Variants in FAM114A2 observed in about 807,000 individuals in gnomAD.
The protein encoded by FAM114A2 is protein FAM114A2.
FAM114A2 carries 53 observed loss-of-function variants against 58.4 expected under a neutral mutation model. That is an observed-to-expected ratio of 0.91 (90% CI 0.73 to 1.14). The LOEUF (loss-of-function observed/expected upper bound fraction) is 1.14. Among genes scored for constraint, FAM114A2 ranks in the 50% most tolerant of loss-of-function variants. The pLI is 0.00. For synonymous variants in FAM114A2, 228 were observed against 211.4 expected (o/e 1.08, Z -0.68); for missense variants, 601 against 581.1 (o/e 1.03, Z -0.35).
chr5:153,997,928 G>A (rs1048776587), intron 11 of FAM114A2, 53 bp from the exon 12 acceptor site: 1 of 1,090,624 alleles, frequency 9.2e-7, no homozygotes, highest in African/African-American at 1.6e-5. Context: ...AAAAAAATAA[G>A]TTATATTTAA....
intron 8 of FAM114A2, among the ~76,000 whole-genome samples, chr5:154,022,271 C>CG (rs2113409799): frequency 6.6e-6 from 1 of 152,234 alleles, no homozygotes; most frequent in African/African-American, 2.4e-5. Flanking sequence ...CAACAAAAGC[C>CG]AAAACAGATA....
chr5:154,026,308 G>A (rs1685590230), intron 8 of FAM114A2, 91 bp downstream of exon 8: 1 of 994,754 alleles, frequency 1.0e-6, no homozygotes, highest in Admixed American at 3.3e-5. Flanking sequence ...TCAAGCCAGT[G>A]TAATAAGAGT....
chr5:154,029,356 A>G (rs1772022363), intron 5 of FAM114A2, 133 bp downstream of exon 5: 1 of 573,798 alleles, frequency 1.7e-6, no homozygotes, highest in Non-Finnish European at 3.1e-6. Context: ...GACCAAAGTG[A>G]CCGATCTTCA....
At chr5:154,036,695 AG>A (rs1412268172) in intron 1 of FAM114A2, 1 of 152,216 alleles carries the variant, frequency 6.6e-6, no homozygotes, top group Non-Finnish European at 1.5e-5. Context: ...CATTAGAATC[AG>A]ACAACGTAAT....
intron 8 of FAM114A2, among the ~76,000 whole-genome samples, chr5:154,018,218 A>C (rs1416692620): frequency 1.3e-5 from 2 of 152,218 alleles, no homozygotes; most frequent in Admixed American, 6.5e-5. Flanking sequence ...TTAGAAACGA[A>C]ATGAGAGACA....
chr5:154,027,121 G>A, intron 7 of FAM114A2, 55 bp downstream of exon 7: 1 of 1,408,942 alleles, frequency 7.1e-7, no homozygotes, highest in Non-Finnish European at 9.8e-7. Context: ...AGGAAACCAT[G>A]CAGCATTCTT....
At chr5:154,012,905 T>C (rs1482618897) in intron 8 of FAM114A2, among the ~76,000 whole-genome samples, 3 of 152,102 alleles carry the variant, frequency 2.0e-5, no homozygotes, top group Non-Finnish European at 4.4e-5. Flanking sequence ...TGGACTTTTT[T>C]ATTTATAGAG....
At chr5:153,994,850 C>A in intron 13 of FAM114A2, 69 bp downstream of exon 13, 1 of 1,027,300 alleles carries the variant, frequency 9.7e-7, no homozygotes, top group Non-Finnish European at 1.5e-6. Context: ...AAGCCAAAAG[C>A]AAAAGGCTTC....
Position 154,011,322 on chromosome 5 carries a change from T to TA in FAM114A2, c.914-3dup. 6.2e-7 allele frequency: 1 copy of TA among 1,609,674 alleles called. No homozygotes were observed. Among genetic ancestry groups the TA allele is most frequent in the Non-Finnish European group, 8.5e-7 (1 of 1,177,110 alleles). On this transcript the variant is annotated splice_polypyrimidine_tract_variant and splice_region_variant and intron_variant, in intron 8 of 13. Transcript: ENST00000351797. Reference sequence around the variant, plus strand: ...TGTCCTTGGTAAAATCTTCATCCCCTAAAAAACCAAGTCCCATATAAAACA... The same window carrying TA: ...TGTCCTTGGTAAAATCTTCATCCCCTAAAAAAACCAAGTCCCATATAAAACA...
intron 3 of FAM114A2, 42 bp downstream of exon 3, chr5:154,034,232 AAAAT>A (rs776727340): frequency 1.2e-5 from 14 of 1,185,902 alleles, no homozygotes; most frequent in East Asian, 4.7e-5. Flanking sequence ...AGATCTGTAT[AAAAT>A]AAATACACAC....
intron 8 of FAM114A2, among the ~76,000 whole-genome samples, chr5:154,013,935 T>C (rs1770860745): frequency 6.6e-6 from 1 of 152,234 alleles, no homozygotes; most frequent in Non-Finnish European, 1.5e-5. Flanking sequence ...TTAATCCTTA[T>C]TACTTGAGAG....
chr5:154,025,164 G>A (rs192064691), intron 8 of FAM114A2, among the ~76,000 whole-genome samples: 1 of 152,252 alleles, frequency 6.6e-6, no homozygotes, highest in East Asian at 1.9e-4. Context: ...TGCTTTTCCT[G>A]AGACAACCAT....
At position 154,029,508 on chromosome 5, in the gene FAM114A2, G is replaced by T; in HGVS notation, c.476C>A (p.Ser159Tyr). 6.2e-7 allele frequency: 1 copy of T among 1,605,682 alleles called. No individual in the cohort carries two copies. Among genetic ancestry groups the T allele is most frequent in the South Asian group, 1.1e-5 (1 of 90,878 alleles). The change falls in exon 5 of 14, where the codon TCT becomes TAT. Residue 159 changes from serine to tyrosine, a missense_variant. Physicochemically the swap from Ser to Tyr is moderately radical, Grantham distance 144. Transcript: ENST00000351797. Reference protein sequence around the residue: ...AGAFGVFSTISTAVQSTGKSV... With the variant: ...AGAFGVFSTIYTAVQSTGKSV... Reference sequence around the variant, plus strand: ...ACTTACTGTGCTCTGAACAGCAGTAGAGATGGTAGAGAATACACCAAATGC... The same window carrying T: ...ACTTACTGTGCTCTGAACAGCAGTATAGATGGTAGAGAATACACCAAATGC...
At chr5:154,017,009 C>T (rs917891583) in intron 8 of FAM114A2, among the ~76,000 whole-genome samples, 11 of 152,122 alleles carry the variant, frequency 7.2e-5, no homozygotes, top group Non-Finnish European at 1.3e-4. Flanking sequence ...AACTTTAAAG[C>T]AACAGCAATT....
chr5:154,026,882 A>AT (rs1771817686), intron 7 of FAM114A2, among the ~76,000 whole-genome samples: 1 of 19,210 alleles, frequency 5.2e-5, no homozygotes, highest in African/African-American at 1.6e-4. Context: ...CAAAGAAACT[A>AT]AAAAAAAAAA....
intron 10 of FAM114A2, 25 bp from the exon 11 acceptor site, chr5:154,002,415 A>G (rs1770039269): frequency 6.2e-7 from 1 of 1,607,210 alleles, no homozygotes; most frequent in South Asian, 1.1e-5. Context: ...AAAACAAAGC[A>G]TAGCAAAACA....
At chr5:154,034,178 A>G in intron 3 of FAM114A2, 100 bp downstream of exon 3, 9 of 757,222 alleles carry the variant, frequency 1.2e-5, no homozygotes, top group Non-Finnish European at 2.0e-5. Flanking sequence ...GCCTTTGAGT[A>G]AACATGGAAG....
At position 153,990,155 on chromosome 5, in the gene FAM114A2, C is replaced by T. The variant is rs911761185; in HGVS notation, c.*2821G>A. The T allele has an allele frequency of 2.6e-5, 4 of 152,128 alleles. No individual in the cohort carries two copies. Among genetic ancestry groups the T allele is most frequent in the African/African-American group, 4.8e-5 (2 of 41,420 alleles). The allele number at this position is 152,128 out of a possible 1,614,324, so 9.4% of individuals were successfully genotyped here. A position where few individuals can be genotyped will look rare whatever the true frequency, so the allele number is the denominator to read the frequency against. ...TGTGAAATATCACACTTGTTGAGTG[C>T]CCACTGTGGGTATAATTTTATTCTG... is the stretch of plus-strand genomic sequence containing the variant. On this transcript the variant is annotated 3_prime_UTR_variant, in exon 14 of 14. Transcript: ENST00000351797.
chr5:154,014,394 T>C (rs1770888680), intron 8 of FAM114A2, among the ~76,000 whole-genome samples: 1 of 152,084 alleles, frequency 6.6e-6, no homozygotes, highest in Non-Finnish European at 1.5e-5. Context: ...CAGGAATATA[T>C]CAGGAAGGCC....
Sources: gnomAD v4.1 joint callset for allele counts (sites outside exome capture counted in the v4.1 genomes callset) on GRCh38, gnomAD v4.1.1 for gene constraint, MANE v1.5 for transcripts, NCBI Gene and HGNC (gene_info 2026-07-23, HGNC 2026-07-21) for gene names.